The following VWA8 variants were observed in gnomAD, a reference collection of about 807,000 sequenced individuals.
VWA8 encodes von Willebrand factor A domain-containing protein 8.
A neutral mutation model predicts 241.5 loss-of-function variants in VWA8; 221 were observed. That is an observed-to-expected ratio of 0.91 (90% confidence interval 0.82 to 1.02). VWA8 has a LOEUF of 1.02. VWA8 is among the 50% of genes least tolerant of loss of function. The pLI, the probability that VWA8 is intolerant of heterozygous loss-of-function variation, is 0.00. For missense variants in VWA8, 2,322 were observed against 2,328.7 expected, an observed-to-expected ratio of 1.00 and a Z score of 0.06; for synonymous variants, 852 against 827.1, an observed-to-expected ratio of 1.03 and a Z score of -0.52.
At chr13:41,571,152 CATTT>C (rs2139630257) in intron 43 of VWA8, among the ~76,000 whole-genome samples, 1 of 152,146 alleles carries the variant, frequency 6.6e-6, no homozygotes, top group South Asian at 2.1e-4. Context: ...TTGTGATGTG[CATTT>C]TTCTGTTGCA....
Position 41,946,564 on chromosome 13 carries a change from A to G in VWA8, c.241+3372T>C, listed in dbSNP as rs1877858900. Among the ~76,000 whole-genome samples, 3 of 152,174 alleles carry G rather than the reference A, an allele frequency of 2.0e-5. 1 individual carries two copies. The highest frequency in any genetic ancestry group is 2.0e-4 in the Admixed American group (3 of 15,286). On this transcript the variant is annotated intron_variant, in intron 2 of 44. Coordinates refer to ENST00000379310, the MANE Select transcript of VWA8 (RefSeq NM_015058.2). ...GCTACATTGGAGTAGTTTATATACT[A>G]TTGAAACTAAGTTACCATTAATCTA...
chr13:41,637,989 A>G (rs186229131), intron 37 of VWA8, among the ~76,000 whole-genome samples: 13 of 152,302 alleles, frequency 8.5e-5, no homozygotes, highest in Admixed American at 8.5e-4. Flanking sequence ...ACAAGATTCA[A>G]ACACTCAAAA....
At chr13:41,629,439 T>C (rs1403506157) in intron 37 of VWA8, among the ~76,000 whole-genome samples, 1 of 152,238 alleles carries the variant, frequency 6.6e-6, no homozygotes. Flanking sequence ...TTTTCAGCTT[T>C]ATATTCTTAT....
intron 12 of VWA8, among the ~76,000 whole-genome samples, chr13:41,840,387 A>G (rs931371253): frequency 6.6e-6 from 1 of 152,060 alleles, no homozygotes; most frequent in Non-Finnish European, 1.5e-5. Context: ...TGATGGGTGC[A>G]GCAAACCACC....
At chr13:41,922,220 T>C (rs1042453059) in intron 2 of VWA8, among the ~76,000 whole-genome samples, 6 of 152,186 alleles carry the variant, frequency 3.9e-5, no homozygotes. Context: ...CTAGGAAAAC[T>C]GGCTAGCCAC....
chr13:41,883,023 G>GT (rs1321789840), intron 9 of VWA8, among the ~76,000 whole-genome samples: 2 of 152,112 alleles, frequency 1.3e-5, no homozygotes, highest in Admixed American at 6.5e-5. Flanking sequence ...ATACCTTAGA[G>GT]TTTTTTCTTG....
At chr13:41,721,037 C>T (rs2045385896) in intron 25 of VWA8, among the ~76,000 whole-genome samples, 1 of 152,108 alleles carries the variant, frequency 6.6e-6, no homozygotes, top group Non-Finnish European at 1.5e-5. Context: ...TACCTGCATA[C>T]CACATGCTTG....
At chr13:41,958,968 A>G (rs1431582110) in intron 1 of VWA8, among the ~76,000 whole-genome samples, 1 of 152,208 alleles carries the variant, frequency 6.6e-6, no homozygotes, top group Non-Finnish European at 1.5e-5. Context: ...TACAATCAAC[A>G]TGTATTATCC....
chr13:41,783,944 CCT>C (rs1566455872), intron 18 of VWA8, 43 bp from the exon 19 acceptor site: 1 of 1,514,702 alleles, frequency 6.6e-7, no homozygotes, highest in Non-Finnish European at 9.1e-7. Context: ...ATAGCACTGT[CCT>C]CAGAGATGCC....
At chr13:41,732,988 A>C (rs1270697815) in intron 21 of VWA8, among the ~76,000 whole-genome samples, 1 of 152,212 alleles carries the variant, frequency 6.6e-6, no homozygotes, top group Non-Finnish European at 1.5e-5. Flanking sequence ...GAACTACTTT[A>C]AAAATATAAG....
Position 41,729,640 on chromosome 13 carries a change from T to C in VWA8, c.2540A>G (p.Asp847Gly), listed in dbSNP as rs146100016. 14 of 1,612,956 alleles carry C rather than the reference T, an allele frequency of 8.7e-6. No individual in the cohort carries two copies. The African/African-American group carries it at 1.5e-4, about 17-fold the overall frequency. ...ATTTGTTGGAGCTTTGTCAGCCTCA[T>C]CTACTACCAGAATATGACCCAACTT... ...AVKLGHILVV[D>G]EADKAPTNVT... The change falls in exon 23 of 45, where the codon GAT becomes GGT. Residue 847 changes from aspartate (D) to glycine (G), a missense_variant. Asp to Gly is a moderately conservative substitution (Grantham distance 94, BLOSUM62 -1). Transcript: ENST00000379310.
At chr13:41,903,495 T>C (rs1875556438) in intron 4 of VWA8, among the ~76,000 whole-genome samples, 1 of 152,108 alleles carries the variant, frequency 6.6e-6, no homozygotes, top group African/African-American at 2.4e-5. Context: ...TCATGTACGA[T>C]GACAGCCTGG....
chr13:41,585,863 TAAAAA>T (rs5803094), intron 42 of VWA8, among the ~76,000 whole-genome samples: 1 of 102,646 alleles, frequency 9.7e-6, no homozygotes, highest in Non-Finnish European at 2.0e-5. Flanking sequence ...GACACCGTCT[TAAAAA>T]AAAAAAAAAA....
chr13:41,905,099 A>C (rs1230861058), intron 4 of VWA8: 1 of 152,162 alleles, frequency 6.6e-6, no homozygotes, highest in Admixed American at 6.5e-5. Context: ...ATTCAAATTC[A>C]TATTTCAAAA....
rs538502289 is a variant in VWA8, at chr13:41,658,789, A to G, written c.4611+12157T>C. Among the ~76,000 whole-genome samples, 13 of 152,330 alleles carry G rather than the reference A, an allele frequency of 8.5e-5. No homozygotes were observed. The South Asian group carries it at 2.5e-3, about 29-fold the overall frequency. On this transcript the variant is annotated intron_variant, in intron 37 of 44. Transcript: ENST00000379310. Reference sequence around the variant, plus strand: ...CAGTTTTTGAGTGGAAGCAGAGAGCATTGGTGGTTCAGTTCTTGGGCTATA... The same window carrying G: ...CAGTTTTTGAGTGGAAGCAGAGAGCGTTGGTGGTTCAGTTCTTGGGCTATA...
At chr13:41,690,042 T>A (rs2045165181) in intron 33 of VWA8, 124 bp downstream of exon 33, 1 of 731,834 alleles carries the variant, frequency 1.4e-6, no homozygotes, top group South Asian at 3.0e-5. Context: ...GTGTAGTGAC[T>A]AAGTTTTTTC....
chr13:41,867,207 A>T (rs1308692223), intron 10 of VWA8, among the ~76,000 whole-genome samples: 1 of 151,930 alleles, frequency 6.6e-6, no homozygotes, highest in African/African-American at 2.4e-5. Flanking sequence ...TGTTCTATCC[A>T]CTCCTGAGCC....
chr13:41,572,815 A>G (rs1282460061), intron 43 of VWA8, among the ~76,000 whole-genome samples: 2 of 150,324 alleles, frequency 1.3e-5, no homozygotes, highest in Non-Finnish European at 3.0e-5. Context: ...AAAAAAAAAA[A>G]AAAAAAGAAA....
At position 41,931,036 on chromosome 13, in the gene VWA8, C is replaced by A. The variant is rs182316519; in HGVS notation, c.242-18868G>T. On this transcript the variant is annotated intron_variant, in intron 2 of 44. Coordinates refer to ENST00000379310, the MANE Select transcript of VWA8 (RefSeq NM_015058.2). ...TGGTGGCGCACGCCTGTAGTCCCAG[C>A]TACTCAGGAGACTGAGGCAGGAGAA... Among the ~76,000 whole-genome samples, 557 of 151,710 alleles carry A rather than the reference C, an allele frequency of 3.7e-3. 2 individuals carry two copies. Among genetic ancestry groups the A allele is most frequent in the African/African-American group, 0.013 (531 of 41,344 alleles).
Sources: allele counts gnomAD v4.1 joint callset (sites outside exome capture counted in the v4.1 genomes callset), GRCh38; gene constraint gnomAD v4.1.1; transcripts MANE v1.5; gene names NCBI Gene and HGNC (gene_info 2026-07-23, HGNC 2026-07-21).